Variants in WWOX observed in about 807,000 individuals in gnomAD.
The protein encoded by WWOX is WW domain containing oxidoreductase, also known as WW domain-containing oxidoreductase.
Under a neutral mutation model 46.2 loss-of-function variants are expected in WWOX, and 69 were observed. The ratio of observed to expected loss-of-function variants is 1.49; its 90% CI spans 1.23 to 1.82. WWOX has a LOEUF of 1.82. Ranked by LOEUF, WWOX falls within the 40% of genes most tolerant of loss-of-function variation. WWOX has a pLI of 0.00. For synonymous variants in WWOX, 359 were observed against 202.6 expected (o/e 1.77, Z -6.56); for missense variants, 919 against 542.6 (o/e 1.69, Z -6.89).
intron 1 of WWOX, among the ~76,000 whole-genome samples, chr16:78,100,542 C>T (rs1245645824): frequency 6.6e-6 from 1 of 152,212 alleles, no homozygotes. Flanking sequence ...TGAGCCACTG[C>T]GCCTAGCCAG....
At chr16:78,624,468 C>A (rs145794251) in intron 8 of WWOX, among the ~76,000 whole-genome samples, 1 of 152,306 alleles carries the variant, frequency 6.6e-6, no homozygotes, top group African/African-American at 2.4e-5. Flanking sequence ...TTATTTCCCA[C>A]TTGCAATAAG....
At chr16:78,273,129 C>T (rs1038262596) in intron 5 of WWOX, among the ~76,000 whole-genome samples, 1 of 152,158 alleles carries the variant, frequency 6.6e-6, no homozygotes, top group Non-Finnish European at 1.5e-5. Flanking sequence ...TGTTTCTTCA[C>T]CTCCCAAATC....
chr16:78,872,609 G>C (rs1429736139), intron 8 of WWOX: 4 of 152,150 alleles, frequency 2.6e-5, no homozygotes, highest in Non-Finnish European at 4.4e-5. Context: ...TAGGAATTCA[G>C]TAAATGCTCA....
intron 6 of WWOX, among the ~76,000 whole-genome samples, chr16:78,402,664 T>G (rs1439099934): frequency 6.6e-6 from 1 of 152,160 alleles, no homozygotes; most frequent in African/African-American, 2.4e-5. Context: ...AACTTACAAG[T>G]CCACGATCAA....
At chr16:78,596,894 C>T (rs963626022) in intron 8 of WWOX, among the ~76,000 whole-genome samples, 1 of 152,108 alleles carries the variant, frequency 6.6e-6, no homozygotes, top group Non-Finnish European at 1.5e-5. Flanking sequence ...TCAGCCAGCT[C>T]TCCAAAGCAA....
At chr16:78,677,056 CT>C (rs34029812) in intron 8 of WWOX, among the ~76,000 whole-genome samples, 46,399 of 147,614 alleles carry the variant, frequency 0.31, 8,690 homozygotes, top group Admixed American at 0.48. Context: ...ACCTAGCGTA[CT>C]TTTTTTTTTT....
chr16:79,009,286 T>G (rs74032482), intron 8 of WWOX, among the ~76,000 whole-genome samples: 4,595 of 152,286 alleles, frequency 0.03, 230 homozygotes, highest in African/African-American at 0.11. Flanking sequence ...TCTTTGCAGA[T>G]GAATGAAGGG....
chr16:78,496,121 C>G (rs1431579152), intron 8 of WWOX: 1 of 152,130 alleles, frequency 6.6e-6, no homozygotes, highest in African/African-American at 2.4e-5. Context: ...ACTGACTGCC[C>G]TCATTCCCCA....
chr16:78,347,120 C>T (rs955517091), intron 5 of WWOX, among the ~76,000 whole-genome samples: 1 of 118,896 alleles, frequency 8.4e-6, no homozygotes, highest in African/African-American at 2.9e-5. Context: ...AGTGTATTGA[C>T]AGGTGTGCAG....
At chr16:79,133,779 C>A (rs766852318) in intron 8 of WWOX, among the ~76,000 whole-genome samples, 31 of 152,004 alleles carry the variant, frequency 2.0e-4, no homozygotes, top group Admixed American at 4.6e-4. Flanking sequence ...CTTAACTAGG[C>A]GTATAGAATT....
intron 8 of WWOX, chr16:78,825,693 G>A (rs12930924): frequency 0.31 from 167,942 of 540,384 alleles, 27,071 homozygotes; most frequent in Middle Eastern, 0.37. Context: ...TGTGGTTTCT[G>A]GGAGACTCTG....
intron 8 of WWOX, among the ~76,000 whole-genome samples, chr16:78,631,114 C>T (rs1248105975): frequency 6.6e-6 from 1 of 152,112 alleles, no homozygotes; most frequent in Admixed American, 6.6e-5. Context: ...TATGCAAATA[C>T]TATACAATTT....
Position 79,161,677 on chromosome 16 carries a change from C to T in WWOX, c.1057-49931C>T, listed in dbSNP as rs193203798. 1.8e-3 allele frequency among the ~76,000 whole-genome samples: 279 copies of T among 152,216 alleles called. 1 individual carries two copies. Among genetic ancestry groups the T allele is most frequent in the Middle Eastern group, 6.8e-3 (2 of 292 alleles). On this transcript the variant is annotated intron_variant, in intron 8 of 8. Coordinates refer to ENST00000566780, the MANE Select transcript of WWOX (RefSeq NM_016373.4). ...AGCTGGGATTACACCCACCACCATG[C>T]CCGGCTAGTTTTTGTATTTTTAGTA...
chr16:79,066,808 A>G (rs1430775796), intron 8 of WWOX, among the ~76,000 whole-genome samples: 2 of 152,210 alleles, frequency 1.3e-5, no homozygotes, highest in Non-Finnish European at 2.9e-5. Context: ...GAGGTACCAT[A>G]CAAATGTGGC....
At chr16:79,061,793 C>A (rs2048361937) in intron 8 of WWOX, among the ~76,000 whole-genome samples, 1 of 152,044 alleles carries the variant, frequency 6.6e-6, no homozygotes, top group Non-Finnish European at 1.5e-5. Flanking sequence ...AGCTAATATG[C>A]CTCTATGTCA....
intron 5 of WWOX, among the ~76,000 whole-genome samples, chr16:78,331,393 G>A (rs1023181461): frequency 3.9e-5 from 6 of 152,172 alleles, no homozygotes; most frequent in African/African-American, 1.2e-4. Context: ...AGGCAACCAG[G>A]TAATAAACCA....
At chr16:78,393,869 A>G (rs9922439) in intron 6 of WWOX, among the ~76,000 whole-genome samples, 24,135 of 152,078 alleles carry the variant, frequency 0.16, 2,420 homozygotes, top group East Asian at 0.42. Flanking sequence ...AGGTTAAAAT[A>G]ACGGTTTTGT....
At chr16:79,148,167 A>C (rs780464038) in intron 8 of WWOX, among the ~76,000 whole-genome samples, 1 of 152,150 alleles carries the variant, frequency 6.6e-6, no homozygotes, top group South Asian at 2.1e-4. Context: ...TATCCCAAAT[A>C]ATTTCTAATA....
chr16:78,463,556 T>C (rs1437692689), intron 8 of WWOX, among the ~76,000 whole-genome samples: 5 of 152,206 alleles, frequency 3.3e-5, no homozygotes, highest in African/African-American at 1.2e-4. Context: ...ATATGGCTTA[T>C]CAGGATGCAT....
Sources: allele counts gnomAD v4.1 joint callset (sites outside exome capture counted in the v4.1 genomes callset), GRCh38; gene constraint gnomAD v4.1.1; transcripts MANE v1.5; gene names NCBI Gene and HGNC (gene_info 2026-07-23, HGNC 2026-07-21).